TEX101: variants seen among roughly 807,000 people sequenced by gnomAD.
The protein encoded by TEX101 is testis expressed 101.
Under a neutral mutation model 18.1 loss-of-function variants are expected in TEX101, and 10 were observed. The observed-to-expected ratio is 0.55, with a 90% CI of 0.34 to 0.94. The LOEUF is 0.94. Among genes scored for constraint, TEX101 ranks in the 40% least tolerant of loss-of-function variants. The probability of loss-of-function intolerance (pLI) is 0.02; values close to 1 mark genes in which losing one functional copy is unlikely to be tolerated. For missense variants in TEX101, 259 were observed against 298.9 expected (o/e 0.87, Z 0.98); for synonymous variants, 94 against 114.8 (o/e 0.82, Z 1.16).
the TEX101 span, among the ~76,000 whole-genome samples, chr19:43,390,450 C>CTTTTT: frequency 3.2e-4 from 20 of 62,856 alleles, no homozygotes; most frequent in African/African-American, 6.9e-4. Flanking sequence ...CTTTTCTTTT[C>CTTTTT]TTTTTTTTTC....
At chr19:43,395,779 A>T in the TEX101 span, among the ~76,000 whole-genome samples, 1 of 152,228 alleles carries the variant, frequency 6.6e-6, no homozygotes, top group Non-Finnish European at 1.5e-5. Flanking sequence ...TGTGCATTTC[A>T]TGCTGGGGAA....
At chr19:43,404,771 T>C (rs955846282) in intron 2 of TEX101, among the ~76,000 whole-genome samples, 1 of 151,008 alleles carries the variant, frequency 6.6e-6, no homozygotes. Flanking sequence ...TATATAAATA[T>C]ATATATACTT....
chr19:43,416,061 A>G, intron 2 of TEX101, 38 bp from the exon 3 acceptor site: 2 of 1,608,978 alleles, frequency 1.2e-6, no homozygotes, highest in South Asian at 1.1e-5. Context: ...GCCTTGGCCC[A>G]TGGAGAAGTG....
chr19:43,414,999 A>C lies in TEX101; in HGVS notation c.-79A>C. 1.0e-6 allele frequency: 1 copy of C among 985,402 alleles called. No homozygotes were observed. The highest frequency in any genetic ancestry group is 1.2e-6 in the Non-Finnish European group (1 of 829,926). The allele number at this position is 985,402 out of a possible 1,614,324, so 61.0% of individuals were successfully genotyped here. A position where few individuals can be genotyped will look rare whatever the true frequency, so the allele number is the denominator to read the frequency against. ...CGGCAGCAATTTTGCTTCTTTAAAGAGAAAAAGAAGGCTAGGGACTCAGAT... is the reference window on the plus strand; with the variant it reads ...CGGCAGCAATTTTGCTTCTTTAAAGCGAAAAAGAAGGCTAGGGACTCAGAT... On this transcript the variant is annotated 5_prime_UTR_variant, in exon 1 of 6. Transcript: ENST00000598265.
At chr19:43,415,837 C>A in intron 1 of TEX101, 44 bp from the exon 2 acceptor site, 1 of 1,566,838 alleles carries the variant, frequency 6.4e-7, no homozygotes, top group Non-Finnish European at 8.8e-7. Flanking sequence ...ATCTCATGCA[C>A]TCTGGCTGAA....
At chr19:43,409,899 G>A (rs1970403871), upstream of TEX101, among the ~76,000 whole-genome samples, 1 of 152,128 alleles carries the variant, frequency 6.6e-6, no homozygotes, top group Non-Finnish European at 1.5e-5. Flanking sequence ...ATAATTAGCT[G>A]GCATGGTGAC....
Position 43,416,114 on chromosome 19 carries a change from A to T in TEX101, c.80A>T (p.Tyr27Phe), listed in dbSNP as rs1970473537. ...ASLLTSGLEL[Y>F]CQKGLSMTVE... is the part of the protein sequence containing the mutation. The stretch of plus-strand genomic sequence containing the variant: ...TTCTCCTCAGCGGGCCTAGAGCTGT[A>T]TTGTCAAAAGGGTCTGTCCATGACT... Residue 27 changes from tyrosine (Y) to phenylalanine (F), a missense_variant, in exon 3 of 6, where the codon TAT becomes TTT. By Grantham distance (22) the Tyr-to-Phe change is conservative. Coordinates refer to ENST00000598265, the MANE Select transcript of TEX101 (RefSeq NM_001130011.3). 6.2e-7 allele frequency: 1 copy of T among 1,611,578 alleles called. No individual in the cohort carries two copies.
chr19:43,397,834 TTTTATATAAATATATAA>T (rs1219189251), upstream of TEX101, among the ~76,000 whole-genome samples: 1 of 111,950 alleles, frequency 8.9e-6, no homozygotes, highest in Non-Finnish European at 1.7e-5. Flanking sequence ...AAAATATATA[TTTTATATAAATATATAA>T]TATATATAAA....
intron 4 of TEX101, among the ~76,000 whole-genome samples, chr19:43,417,100 A>G (rs1970488395): frequency 6.6e-6 from 1 of 151,892 alleles, no homozygotes; most frequent in African/African-American, 2.4e-5. Context: ...TATCAGTCTA[A>G]CAAGTATTGG....
exon 1 of TEX101, chr19:43,401,503 C>G (rs1163740328): frequency 6.6e-6 from 1 of 152,224 alleles, no homozygotes; most frequent in Non-Finnish European, 1.5e-5. Flanking sequence ...CAGAACCATC[C>G]ATCCCATCAG....
chr19:43,389,272 G>A, the TEX101 span, among the ~76,000 whole-genome samples: 1 of 152,248 alleles, frequency 6.6e-6, no homozygotes. Context: ...AGCACTCTTT[G>A]CAGGAGGGAC....
rs1568458991 is a variant in TEX101 at position 43,416,512 on chromosome 19, C to G, written c.348C>G (p.Asp116Glu). The change falls in exon 4 of 6, where the codon GAC (aspartate) becomes GAG (glutamate). Residue 116 changes from aspartate (D) to glutamate (E), a missense_variant. Coordinates refer to ENST00000598265, the MANE Select transcript of TEX101 (RefSeq NM_001130011.3). Reference protein sequence around the residue: ...SNYCEDSFCNDKDSLSQFWEF... With the variant: ...SNYCEDSFCNEKDSLSQFWEF... The stretch of plus-strand genomic sequence containing the variant: ...ACTGTGAGGATTCCTTCTGTAATGA[C>G]AAAGACAGCCTGTCTCAGTTTTGGG... 6.2e-7 allele frequency: 1 copy of G among 1,614,080 alleles called. No individual in the cohort carries two copies. The highest frequency in any genetic ancestry group is 8.5e-7 in the Non-Finnish European group (1 of 1,179,996).
rs2278834 is a variant in TEX101, at chr19:43,418,148, G to A, written c.521-20G>A. On this transcript the variant is annotated intron_variant, in intron 5 of 5. Coordinates refer to ENST00000598265, the MANE Select transcript of TEX101 (RefSeq NM_001130011.3). ...GTCCTAAAACATCTCTGTCTCTCCC[G>A]ATCCTTCCTTGTTCTATAGGTGGCA... is the stretch of plus-strand genomic sequence containing the variant. 0.23 allele frequency: 367,994 copies of A among 1,613,222 alleles called. 46,791 individuals are homozygous for A. Among genetic ancestry groups the A allele is most frequent in the East Asian group, 0.56 (25,018 of 44,844 alleles).
intron 3 of TEX101, among the ~76,000 whole-genome samples, chr19:43,408,927 G>A (rs1043362762): frequency 6.6e-6 from 1 of 152,184 alleles, no homozygotes; most frequent in Non-Finnish European, 1.5e-5. Flanking sequence ...TCATGAACCC[G>A]TGGAGGCCTG....
intron 3 of TEX101, 58 bp from the exon 4 acceptor site, chr19:43,416,315 C>T (rs1224688090): frequency 3.2e-6 from 5 of 1,585,458 alleles, no homozygotes; most frequent in South Asian, 1.2e-5. Context: ...TTGTTCCCTT[C>T]GTCCAGGCCA....
chr19:43,395,572 A>C, the TEX101 span, among the ~76,000 whole-genome samples: 108 of 152,338 alleles, frequency 7.1e-4, 1 homozygote, highest in East Asian at 0.019. Context: ...TGAGACCCCA[A>C]AATGAATGAG....
At position 43,417,742 on chromosome 19, in the gene TEX101, A is replaced by G. The variant is rs1398749212; in HGVS notation, c.392-136A>G. 2.8e-6 allele frequency: 3 copies of G among 1,087,872 alleles called. No individual in the cohort carries two copies. In the African/African-American group the frequency reaches 4.7e-5, roughly 17 times the overall value. 67.4% of individuals were successfully genotyped at this position (1,087,872 alleles called of 1,614,324 possible). On this transcript the variant is annotated intron_variant, in intron 4 of 5. Coordinates refer to ENST00000598265, the MANE Select transcript of TEX101 (RefSeq NM_001130011.3). ...TCACAGCAGAGAACACCAGCTGGGG[A>G]AGGATGGGGAGGCTGAAGTAATGGG... is the stretch of plus-strand genomic sequence containing the variant.
upstream of TEX101, among the ~76,000 whole-genome samples, chr19:43,398,436 C>T (rs958651556): frequency 2.7e-5 from 4 of 150,756 alleles, no homozygotes; most frequent in African/African-American, 9.8e-5. Context: ...CCACCACGCC[C>T]AGCTAATTTT....
intron 3 of TEX101, among the ~76,000 whole-genome samples, chr19:43,409,698 G>A (rs559079022): frequency 6.6e-6 from 1 of 152,188 alleles, no homozygotes; most frequent in African/African-American, 2.4e-5. Context: ...GAACCTGGGA[G>A]GCGAAGGTTG....
Sources: allele counts gnomAD v4.1 joint callset (sites outside exome capture counted in the v4.1 genomes callset), GRCh38; gene constraint gnomAD v4.1.1; transcripts MANE v1.5; gene names NCBI Gene and HGNC (gene_info 2026-07-23, HGNC 2026-07-21).